The following SH3BGRL2 variants were observed in gnomAD, a reference collection of about 807,000 sequenced individuals.
The protein encoded by SH3BGRL2 is SH3 domain binding glutamate rich protein like 2.
In SH3BGRL2, 21 loss-of-function variants were observed where a neutral mutation model predicts 14.8. The ratio of observed to expected loss-of-function variants is 1.42; its 90% CI spans 1.01 to 2.05. The LOEUF (loss-of-function observed/expected upper bound fraction) is 2.05. Ranked by LOEUF, SH3BGRL2 falls within the 30% of genes most tolerant of loss-of-function variation. The pLI is 0.00. For synonymous variants in SH3BGRL2, 50 were observed against 47.8 expected (o/e 1.05, Z -0.19); for missense variants, 147 against 130.8 (o/e 1.12, Z -0.61).
chr6:79,635,777 G>A (rs749599649), intron 1 of SH3BGRL2, among the ~76,000 whole-genome samples: 3 of 152,222 alleles, frequency 2.0e-5, no homozygotes, highest in Non-Finnish European at 4.4e-5. Flanking sequence ...GTGAGGGTGG[G>A]TGTGGAAGGG....
At chr6:79,604,566 G>A in the SH3BGRL2 span, among the ~76,000 whole-genome samples, 1 of 152,126 alleles carries the variant, frequency 6.6e-6, no homozygotes. Context: ...CCATCTTCCT[G>A]GGGGCAGTAC....
the SH3BGRL2 span, among the ~76,000 whole-genome samples, chr6:79,615,756 AT>A: frequency 0.2 from 29,258 of 146,508 alleles, 2,908 homozygotes; most frequent in South Asian, 0.23. Flanking sequence ...CTAGTTTTAT[AT>A]TTTTTTTCTA....
chr6:79,556,499 A>G, the SH3BGRL2 span, among the ~76,000 whole-genome samples: 1 of 152,052 alleles, frequency 6.6e-6, no homozygotes, highest in Admixed American at 6.5e-5. Context: ...ATATTTCAAG[A>G]ACAAAAATAC....
chr6:79,612,260 C>T, the SH3BGRL2 span, among the ~76,000 whole-genome samples: 1 of 152,084 alleles, frequency 6.6e-6, no homozygotes, highest in Non-Finnish European at 1.5e-5. Context: ...CACATATCAC[C>T]ACTGCACTCC....
At chr6:79,649,301 T>C (rs1256616965) in intron 1 of SH3BGRL2, among the ~76,000 whole-genome samples, 1 of 152,188 alleles carries the variant, frequency 6.6e-6, no homozygotes, top group Non-Finnish European at 1.5e-5. Context: ...AGATTCTTAG[T>C]CTAGAACAGA....
the SH3BGRL2 span, among the ~76,000 whole-genome samples, chr6:79,569,145 G>A: frequency 1.3e-5 from 2 of 152,178 alleles, no homozygotes; most frequent in African/African-American, 4.8e-5. Context: ...GTCCAGAAAG[G>A]TGGGACAAAT....
At chr6:79,653,136 C>G (rs1332838532) in intron 1 of SH3BGRL2, among the ~76,000 whole-genome samples, 6 of 152,116 alleles carry the variant, frequency 3.9e-5, no homozygotes, top group Non-Finnish European at 8.8e-5. Context: ...CAAAGAGACT[C>G]CTATATCTTT....
In SH3BGRL2 at chr6:79,701,686, A is replaced by C. The variant is rs1298943576; in HGVS notation, c.*2177A>C. 3 of 150,338 alleles carry C rather than the reference A, an allele frequency of 2.0e-5. No individual in the cohort carries two copies. Among genetic ancestry groups the C allele is most frequent in the Non-Finnish European group, 4.4e-5 (3 of 67,850 alleles). The allele number at this position is 150,338 out of a possible 1,614,324, so 9.3% of individuals were successfully genotyped here. ...CTGTACTTGTTATGAGTGAGGCAGC[A>C]GCACAGTGTGTGGCATTTACATGGT... On this transcript the variant is annotated 3_prime_UTR_variant, in exon 4 of 4. Coordinates refer to ENST00000369838, the MANE Select transcript of SH3BGRL2 (RefSeq NM_031469.4).
At chr6:79,552,240 G>A in the SH3BGRL2 span, among the ~76,000 whole-genome samples, 15 of 152,190 alleles carry the variant, frequency 9.9e-5, no homozygotes, top group African/African-American at 3.1e-4. Context: ...TACGGCTGGT[G>A]GAACAGGGTT....
chr6:79,569,205 C>A, the SH3BGRL2 span, among the ~76,000 whole-genome samples: 1 of 152,162 alleles, frequency 6.6e-6, no homozygotes, highest in Non-Finnish European at 1.5e-5. Flanking sequence ...CAAAGAATTT[C>A]TGATTGGCAA....
At position 79,701,444 on chromosome 6, in the gene SH3BGRL2, A is replaced by G. The variant is rs1326224197; in HGVS notation, c.*1935A>G. 1.3e-5 allele frequency: 2 copies of G among 152,164 alleles called. No individual in the cohort carries two copies. Among genetic ancestry groups the G allele is most frequent in the Non-Finnish European group, 2.9e-5 (2 of 68,028 alleles). The allele number at this position is 152,164 out of a possible 1,614,324, so 9.4% of individuals were successfully genotyped here. A position where few individuals can be genotyped will look rare whatever the true frequency, so the allele number is the denominator to read the frequency against. On this transcript the variant is annotated 3_prime_UTR_variant, in exon 4 of 4. Transcript: ENST00000369838. ...GCTTTGCAAGTTAACTGCTGGGGTT[A>G]TAGGATCAATACCATACTTGCTAGA...
intron 2 of SH3BGRL2, among the ~76,000 whole-genome samples, chr6:79,689,742 A>AT (rs1204589437): frequency 6.6e-6 from 1 of 152,130 alleles, no homozygotes; most frequent in African/African-American, 2.4e-5. Flanking sequence ...CATTGGGATC[A>AT]TTTTAAGATT....
At chr6:79,550,732 G>A in the SH3BGRL2 span, among the ~76,000 whole-genome samples, 95 of 152,190 alleles carry the variant, frequency 6.2e-4, no homozygotes, top group African/African-American at 1.7e-3. Flanking sequence ...AGTAATAGCC[G>A]TCATAGGAGA....
chr6:79,684,649 C>T (rs17506032), intron 2 of SH3BGRL2, among the ~76,000 whole-genome samples: 17,280 of 152,120 alleles, frequency 0.11, 1,305 homozygotes, highest in Non-Finnish European at 0.16. Context: ...CCAGACTGTG[C>T]GCATTCCCAT....
the SH3BGRL2 span, among the ~76,000 whole-genome samples, chr6:79,543,614 C>T: frequency 0.32 from 48,329 of 152,004 alleles, 8,737 homozygotes; most frequent in East Asian, 0.81. Context: ...CCCCCACCCA[C>T]TTCCTGCAGC....
At chr6:79,628,573 T>C (rs534827959), upstream of SH3BGRL2, among the ~76,000 whole-genome samples, 1 of 152,296 alleles carries the variant, frequency 6.6e-6, no homozygotes, top group Non-Finnish European at 1.5e-5. Flanking sequence ...TCTGATAAGC[T>C]GGTGTTGATC....
chr6:79,697,192 A>G (rs1762318865), intron 3 of SH3BGRL2, among the ~76,000 whole-genome samples: 1 of 152,272 alleles, frequency 6.6e-6, no homozygotes. Context: ...TTTTGATATT[A>G]TTTCTTTTTT....
the SH3BGRL2 span, among the ~76,000 whole-genome samples, chr6:79,579,250 C>G: frequency 6.6e-6 from 1 of 152,116 alleles, no homozygotes; most frequent in Non-Finnish European, 1.5e-5. Context: ...GGAGAACTTC[C>G]ACAACCTGGC....
At chr6:79,549,520 A>G in the SH3BGRL2 span, among the ~76,000 whole-genome samples, 2 of 152,220 alleles carry the variant, frequency 1.3e-5, no homozygotes, top group African/African-American at 2.4e-5. Context: ...GTTTAGATAC[A>G]CAAATGCTTA....
Sources: allele counts gnomAD v4.1 joint callset (sites outside exome capture counted in the v4.1 genomes callset), GRCh38; gene constraint gnomAD v4.1.1; transcripts MANE v1.5; gene names NCBI Gene and HGNC (gene_info 2026-07-23, HGNC 2026-07-21).